POLA1: variants seen among roughly 807,000 people sequenced by gnomAD.
POLA1 encodes the protein DNA polymerase alpha catalytic subunit.
POLA1 carries 15 observed loss-of-function variants against 124.0 expected under a neutral mutation model. That is an observed-to-expected ratio of 0.12 (90% CI 0.08 to 0.19). The LOEUF is 0.19. Ranked by LOEUF, POLA1 falls within the 10% of genes least tolerant of loss-of-function variation. The probability of loss-of-function intolerance (pLI) is 1.00; values close to 1 mark genes in which losing one functional copy is unlikely to be tolerated. For missense variants in POLA1, 886 were observed against 1,103.4 expected (o/e 0.80, Z 2.79); for synonymous variants, 408 against 389.4 (o/e 1.05, Z -0.56).
chrX:24,871,635 T>A (rs2046865734), intron 34 of POLA1, among the ~76,000 whole-genome samples: 1 of 110,761 alleles, frequency 9.0e-6, no homozygotes, highest in Non-Finnish European at 1.9e-5. Flanking sequence ...ATTCTCACAC[T>A]TGAACAGACC....
At chrX:24,827,535 T>C (rs182806646) in intron 32 of POLA1, among the ~76,000 whole-genome samples, 3 of 112,382 alleles carry the variant, frequency 2.7e-5, no homozygotes, top group Admixed American at 1.9e-4. Flanking sequence ...GTCTACGCAG[T>C]GTCTCCCAAA....
chrX:24,730,604 A>G (rs757084971), intron 15 of POLA1, among the ~76,000 whole-genome samples: 2 of 112,199 alleles, frequency 1.8e-5, no homozygotes, highest in East Asian at 5.6e-4. Flanking sequence ...CAGGGAAGGA[A>G]ATGTCCAGGA....
chrX:24,809,504 C>A (rs2045863089), intron 26 of POLA1, among the ~76,000 whole-genome samples: 1 of 110,683 alleles, frequency 9.0e-6, no homozygotes, highest in African/African-American at 3.3e-5. Context: ...ATGTAGTGTG[C>A]TTTTTTTTGC....
intron 26 of POLA1, among the ~76,000 whole-genome samples, chrX:24,804,164 C>A (rs925568958): frequency 9.1e-6 from 1 of 110,201 alleles, no homozygotes; most frequent in African/African-American, 3.3e-5. Context: ...CTTATTAAAT[C>A]CATAGCCCAT....
chrX:24,984,899 A>G (rs2048464384), intron 36 of POLA1, among the ~76,000 whole-genome samples: 1 of 110,244 alleles, frequency 9.1e-6, no homozygotes, highest in South Asian at 3.9e-4. Context: ...TGACCTCATG[A>G]TCCGCCCGCC....
intron 26 of POLA1, among the ~76,000 whole-genome samples, chrX:24,791,201 A>G (rs1049500702): frequency 2.7e-5 from 3 of 110,591 alleles, no homozygotes; most frequent in African/African-American, 9.9e-5. Context: ...GCAGTCAACT[A>G]TAAATTCCGG....
In POLA1 at chrX:24,748,375, G is replaced by T. The variant is rs770629363; in HGVS notation, c.2756G>T (p.Arg919Ile). 30 of 1,194,161 alleles carry T rather than the reference G, an allele frequency of 2.5e-5. 1 individual carries two copies. In the South Asian group the frequency reaches 3.0e-4, roughly 12 times the overall value. ...DPSLEMGILP[R>I]EIRKLVERRK... ...AGCTTAGAAATGGGCATTTTGCCCAGAGAGATCCGGAAACTGGTAGAACGG... is the reference window on the plus strand; with the variant it reads ...AGCTTAGAAATGGGCATTTTGCCCATAGAGATCCGGAAACTGGTAGAACGG... Residue 919 changes from arginine to isoleucine, a missense_variant, in exon 25 of 37, where the codon AGA (arginine) becomes ATA (isoleucine). Arg to Ile is a moderately conservative substitution (Grantham distance 97). Around this residue, in one of 7 missense-constraint regions of POLA1, gnomAD observed 182 missense variants for 252.8 expected, o/e 0.72. Transcript: ENST00000379068.
chrX:24,750,184 C>T (rs1447685284), intron 26 of POLA1, among the ~76,000 whole-genome samples: 1 of 112,382 alleles, frequency 8.9e-6, no homozygotes, highest in Admixed American at 9.4e-5. Context: ...GATGGAGGCT[C>T]ACATGGCCCG....
At position 24,826,507 on chromosome X, in the gene POLA1, C is replaced by T; in HGVS notation, c.3642C>T (p.Thr1214=). Residue 1214 remains threonine (T), a synonymous_variant, in exon 32 of 37, where the codon ACC becomes ACT. Coordinates refer to ENST00000379068, the MANE Select transcript of POLA1 (RefSeq NM_001330360.2). ...AACAGGATAATCTAACCATTGACAC[C>T]CAGTACTACCTGGCCCAGCAGATCC... The part of the protein sequence containing the change: ...LQKQDNLTID[T]QYYLAQQIHP... The T allele has an allele frequency of 1.7e-6, 2 of 1,202,856 alleles. No homozygotes were observed. The highest frequency in any genetic ancestry group is 2.3e-6 in the Non-Finnish European group (2 of 888,376).
chrX:24,950,498 C>G (rs1331630048), intron 36 of POLA1, among the ~76,000 whole-genome samples: 1 of 112,236 alleles, frequency 8.9e-6, no homozygotes, highest in Non-Finnish European at 1.9e-5. Flanking sequence ...CAGTCTTATT[C>G]TTTTCAATAA....
At chrX:24,766,180 T>C (rs2148431112) in intron 26 of POLA1, among the ~76,000 whole-genome samples, 1 of 112,471 alleles carries the variant, frequency 8.9e-6, no homozygotes, top group South Asian at 3.7e-4. Flanking sequence ...TGTACACAGG[T>C]GCAAGAGTTT....
intron 34 of POLA1, among the ~76,000 whole-genome samples, chrX:24,863,972 A>ATTTC (rs2046756926): frequency 9.5e-6 from 1 of 104,774 alleles, no homozygotes; most frequent in Admixed American, 1.0e-4. Flanking sequence ...TTATTTATTT[A>ATTTC]TTTATTTATT....
At chrX:24,799,148 T>A (rs1404474493) in intron 26 of POLA1, among the ~76,000 whole-genome samples, 1 of 112,360 alleles carries the variant, frequency 8.9e-6, no homozygotes, top group Admixed American at 9.4e-5. Flanking sequence ...CTCACTTCAT[T>A]TGAAGAAGAG....
intron 15 of POLA1, among the ~76,000 whole-genome samples, chrX:24,728,519 A>G (rs1268917814): frequency 2.7e-5 from 3 of 112,005 alleles, no homozygotes; most frequent in Non-Finnish European, 5.6e-5. Flanking sequence ...CGCAGATGGT[A>G]TTTAATCTAT....
intron 12 of POLA1, among the ~76,000 whole-genome samples, chrX:24,725,530 A>G (rs1206097941): frequency 9.0e-6 from 1 of 111,048 alleles, no homozygotes; most frequent in Non-Finnish European, 1.9e-5. Context: ...TCTTCATCTG[A>G]GAAATAGGGC....
chrX:24,702,778 C>T (rs994536377), intron 2 of POLA1, among the ~76,000 whole-genome samples: 2 of 112,152 alleles, frequency 1.8e-5, no homozygotes, highest in African/African-American at 6.5e-5. Context: ...GGAGATTTTC[C>T]TTCTGAATTG....
intron 30 of POLA1, among the ~76,000 whole-genome samples, chrX:24,815,342 G>A (rs944954796): frequency 3.6e-5 from 4 of 110,884 alleles, no homozygotes; most frequent in African/African-American, 1.3e-4. Context: ...ATTCTTGGAA[G>A]ACTTGTTTCC....
chrX:24,724,524 A>G, intron 12 of POLA1, 73 bp downstream of exon 12: 3 of 526,901 alleles, frequency 5.7e-6, no homozygotes, highest in Non-Finnish European at 6.4e-6. Context: ...TAGTTATTGC[A>G]TATTTTCTTT....
intron 36 of POLA1, among the ~76,000 whole-genome samples, chrX:24,994,089 C>T (rs191862650): frequency 9.2e-4 from 104 of 112,604 alleles, no homozygotes; most frequent in African/African-American, 3.1e-3. Flanking sequence ...GTGTCATTCA[C>T]ATGCACGGGG....
Sources: gnomAD v4.1 joint callset for allele counts (sites outside exome capture counted in the v4.1 genomes callset) on GRCh38, gnomAD v4.1.1 for gene constraint, gnomAD v4.1.1 regional missense constraint, MANE v1.5 for transcripts, NCBI Gene and HGNC (gene_info 2026-07-23, HGNC 2026-07-21) for gene names.